The following ALB variants were observed in gnomAD, a reference collection of about 807,000 sequenced individuals.
The protein encoded by ALB is serum albumin.
A neutral mutation model predicts 74.5 loss-of-function variants in ALB; 37 were observed. The ratio of observed to expected loss-of-function variants is 0.50; its 90% CI spans 0.38 to 0.65. The LOEUF (loss-of-function observed/expected upper bound fraction) is 0.65. Ranked by LOEUF, ALB falls within the 30% of genes least tolerant of loss-of-function variation. ALB has a pLI of 0.00. For synonymous variants in ALB, 249 were observed against 251.6 expected, an observed-to-expected ratio of 0.99 and a Z score of 0.10; for missense variants, 685 against 718.7, an observed-to-expected ratio of 0.95 and a Z score of 0.54.
chr4:73,410,800 A>G (rs941872320), intron 6 of ALB, among the ~76,000 whole-genome samples: 3 of 152,176 alleles, frequency 2.0e-5, no homozygotes, highest in Non-Finnish European at 4.4e-5. Flanking sequence ...GTAGGTATAC[A>G]TATTTACGGG....
At position 73,415,093 on chromosome 4, in the gene ALB, C is replaced by T. The variant is rs1051081914; in HGVS notation, c.1117C>T (p.Leu373Phe). 8 of 1,614,048 alleles carry T rather than the reference C, an allele frequency of 5.0e-6. No homozygotes were observed. In the Admixed American group the frequency reaches 5.0e-5, roughly 10 times the overall value. The change falls in exon 9 of 15, where the codon CTT becomes TTT. Residue 373 changes from leucine to phenylalanine, a missense_variant. Physicochemically the swap from Leu to Phe is conservative, Grantham distance 22. Transcript: ENST00000295897. The part of the protein sequence containing the change: ...PDYSVVLLLR[L>F]AKTYETTLEK... The stretch of plus-strand genomic sequence containing the variant: ...TTACTCTGTCGTGCTGCTGCTGAGA[C>T]TTGCCAAGACATATGAAACCACTCT...
rs1719140160 is a variant in ALB, at chr4:73,421,413, G to C, written c.*345G>C. ...AAATAAATCATTAATACTCTTCTAA[G>C]TTATGGATTATAAACATTCAAAATA... On this transcript the variant is annotated 3_prime_UTR_variant, in exon 15 of 15. Coordinates refer to ENST00000295897, the MANE Select transcript of ALB (RefSeq NM_000477.7). 1.2e-5 allele frequency: 3 copies of C among 244,794 alleles called. No individual in the cohort carries two copies. The highest frequency in any genetic ancestry group is 2.2e-5 in the African/African-American group (1 of 45,170). The allele number at this position is 244,794 out of a possible 1,614,324, so 15.2% of individuals were successfully genotyped here.
intron 7 of ALB, among the ~76,000 whole-genome samples, chr4:73,412,641 C>T (rs1203029732): frequency 6.6e-6 from 1 of 152,012 alleles, no homozygotes; most frequent in Non-Finnish European, 1.5e-5. Context: ...GGCGGGGTTT[C>T]ACCATATTGT....
chr4:73,411,926 G>A, intron 6 of ALB, 70 bp from the exon 7 acceptor site: 1 of 1,581,148 alleles, frequency 6.3e-7, no homozygotes, highest in Non-Finnish European at 8.7e-7. Context: ...ATGAGAAATA[G>A]TATTTGCCTA....
At chr4:73,416,167 A>G in intron 9 of ALB, 89 bp from the exon 10 acceptor site, 1 of 927,222 alleles carries the variant, frequency 1.1e-6, no homozygotes, top group East Asian at 2.6e-5. Flanking sequence ...AGGAAGAAGA[A>G]AGGATATCAT....
intron 12 of ALB, 150 bp from the exon 13 acceptor site, chr4:73,419,357 G>T: frequency 1.3e-6 from 1 of 759,408 alleles, no homozygotes; most frequent in East Asian, 2.7e-5. Flanking sequence ...GACTTATAGC[G>T]GTATGCCTGA....
At chr4:73,415,195 GT>G in intron 9 of ALB, 28 bp downstream of exon 9, 2 of 1,612,886 alleles carry the variant, frequency 1.2e-6, no homozygotes, top group Non-Finnish European at 1.7e-6. Context: ...AAAAAATGTA[GT>G]TCTTTGACTG....
chr4:73,408,413 T>G (rs368360878), intron 3 of ALB, among the ~76,000 whole-genome samples, 181 bp from the exon 4 acceptor site: 2 of 152,186 alleles, frequency 1.3e-5, no homozygotes, highest in South Asian at 4.1e-4. Flanking sequence ...TTAATTCTTA[T>G]GAAAATTATA....
intron 2 of ALB, 103 bp from the exon 3 acceptor site, chr4:73,406,525 TA>T (rs2149327002): frequency 8.9e-7 from 1 of 1,123,084 alleles, no homozygotes; most frequent in African/African-American, 1.5e-5. Context: ...AGAAGATGTA[TA>T]AAAGATAGAA....
intron 13 of ALB, 73 bp downstream of exon 13, chr4:73,419,712 ATTT>A: frequency 6.4e-7 from 1 of 1,552,788 alleles, no homozygotes. Context: ...GGGCTTAGGG[ATTT>A]ATATATCAAA....
intron 3 of ALB, among the ~76,000 whole-genome samples, chr4:73,407,359 G>A (rs1013593732): frequency 9.9e-5 from 15 of 152,160 alleles, no homozygotes; most frequent in Non-Finnish European, 1.5e-5. Context: ...ATTATGTACT[G>A]TTTATCTTTT....
At chr4:73,415,392 A>C (rs1473277254) in intron 9 of ALB, 1 of 504,356 alleles carries the variant, frequency 2.0e-6, no homozygotes, top group African/African-American at 1.9e-5. Context: ...AATCTCTAAA[A>C]AATTTTGATC....
In ALB at chr4:73,408,732, C is replaced by G; in HGVS notation, c.409C>G (p.Pro137Ala). The G allele has an allele frequency of 1.2e-6, 2 of 1,614,044 alleles. No individual in the cohort carries two copies. Among genetic ancestry groups the G allele is most frequent in the Non-Finnish European group, 1.7e-6 (2 of 1,179,938 alleles). Residue 137 changes from proline (P) to alanine (A), a missense_variant, in exon 4 of 15, where the codon CCC (proline) becomes GCC (alanine). Coordinates refer to ENST00000295897, the MANE Select transcript of ALB (RefSeq NM_000477.7). Reference protein sequence around the residue: ...LQHKDDNPNLPRLVRPEVDVM... With the variant: ...LQHKDDNPNLARLVRPEVDVM... ...ACACAAAGATGACAACCCAAACCTC[C>G]CCCGATTGGTGAGACCAGAGGTTGA...
At chr4:73,404,464 G>A in intron 1 of ALB, 58 bp downstream of exon 1, 1 of 1,416,134 alleles carries the variant, frequency 7.1e-7, no homozygotes, top group Non-Finnish European at 1.0e-6. Context: ...GTAAAATAAA[G>A]TTTTAGTAAA....
Position 73,420,301 on chromosome 4 carries a change from T to C in ALB, c.*3T>C. The stretch of plus-strand genomic sequence containing the variant: ...GTCAAGCTGCCTTAGGCTTATAACA[T>C]CACATTTAAAAGCATCTCAGGTAAC... On this transcript the variant is annotated 3_prime_UTR_variant, in exon 14 of 15. Transcript: ENST00000295897. 6.2e-7 allele frequency: 1 copy of C among 1,609,682 alleles called. No homozygotes were observed. The highest frequency in any genetic ancestry group is 8.5e-7 in the Non-Finnish European group (1 of 1,176,452).
intron 2 of ALB, among the ~76,000 whole-genome samples, chr4:73,405,380 A>G (rs1360887267): frequency 6.6e-6 from 1 of 152,216 alleles, no homozygotes; most frequent in African/African-American, 2.4e-5. Flanking sequence ...TTCAAATATG[A>G]CAAGTGCAAC....
chr4:73,415,421 A>C, intron 9 of ALB: 1 of 437,294 alleles, frequency 2.3e-6, no homozygotes, highest in South Asian at 2.8e-5. Flanking sequence ...TCTTTTTCAC[A>C]ATCCTGAGAA....
At chr4:73,416,713 C>T (rs1011382746) in intron 10 of ALB, among the ~76,000 whole-genome samples, 7 of 152,022 alleles carry the variant, frequency 4.6e-5, no homozygotes, top group African/African-American at 9.7e-5. Flanking sequence ...GAATAGATGT[C>T]GCTCAAAAAG....
chr4:73,416,372 C>T lies in ALB; in HGVS notation c.1289+19C>T, dbSNP rs760034225. On this transcript the variant is annotated intron_variant, in intron 10 of 14. Coordinates refer to ENST00000295897, the MANE Select transcript of ALB (RefSeq NM_000477.7). The stretch of plus-strand genomic sequence containing the variant: ...AGAATGCGTAAGTAATTTTTATTGA[C>T]TGATTTTTTTTATCAATTTGTAATT... 2 of 1,565,946 alleles carry T rather than the reference C, an allele frequency of 1.3e-6. No homozygotes were observed. The highest frequency in any genetic ancestry group is 2.2e-5 in the South Asian group (2 of 89,122).
Sources: gnomAD v4.1 joint callset for allele counts (sites outside exome capture counted in the v4.1 genomes callset) on GRCh38, gnomAD v4.1.1 for gene constraint, MANE v1.5 for transcripts, NCBI Gene and HGNC (gene_info 2026-07-23, HGNC 2026-07-21) for gene names.